The following SYNE2 variants were observed in gnomAD, a reference collection of about 807,000 sequenced individuals.
SYNE2 encodes the protein nesprin-2.
Under a neutral mutation model 856.3 loss-of-function variants are expected in SYNE2, and 431 were observed. The observed-to-expected ratio is 0.50, with a 90% CI of 0.47 to 0.55. The LOEUF is 0.55. Ranked by LOEUF, SYNE2 falls within the 20% of genes least tolerant of loss-of-function variation. The pLI is 0.00. For missense variants in SYNE2, 8,129 were observed against 8,023.2 expected (o/e 1.01, Z -0.50); for synonymous variants, 2,923 against 2,872.3 (o/e 1.02, Z -0.56).
intron 108 of SYNE2, among the ~76,000 whole-genome samples, chr14:64,217,849 G>A (rs931996856): frequency 4.6e-5 from 7 of 152,150 alleles, no homozygotes; most frequent in Non-Finnish European, 1.0e-4. Context: ...GGAGAGGCCC[G>A]AGATAACAGC....
chr14:64,009,345 G>A (rs900241481), intron 31 of SYNE2, among the ~76,000 whole-genome samples: 3 of 151,972 alleles, frequency 2.0e-5, no homozygotes, highest in Admixed American at 6.6e-5. Flanking sequence ...CGACCAGCCC[G>A]GCCAACATGA....
At chr14:64,147,433 T>C (rs1299784043) in intron 84 of SYNE2, among the ~76,000 whole-genome samples, 2 of 152,206 alleles carry the variant, frequency 1.3e-5, no homozygotes, top group Admixed American at 1.3e-4. Flanking sequence ...GAAGTTCACA[T>C]GTTTTAGAAT....
chr14:63,929,769 CA>C (rs34496182), intron 2 of SYNE2, among the ~76,000 whole-genome samples: 272 of 126,940 alleles, frequency 2.1e-3, no homozygotes, highest in Middle Eastern at 0.012. Flanking sequence ...GAAACTGTCT[CA>C]AAAAAAAAAA....
At chr14:63,773,916 A>T (rs577296440) in intron 1 of SYNE2, among the ~76,000 whole-genome samples, 1 of 152,360 alleles carries the variant, frequency 6.6e-6, no homozygotes, top group South Asian at 2.1e-4. Flanking sequence ...TATATTTAGC[A>T]ATCCTGACCT....
chr14:64,225,588 G>C lies in SYNE2; in HGVS notation c.*62G>C. 6.4e-7 allele frequency: 1 copy of C among 1,551,880 alleles called. No individual in the cohort carries two copies. Among genetic ancestry groups the C allele is most frequent in the Non-Finnish European group, 8.8e-7 (1 of 1,131,708 alleles). ...GATTGCCAAGGGTGCCCAGCACGTG[G>C]CCCCAGACCAATCTGAGTGACTTAG... On this transcript the variant is annotated 3_prime_UTR_variant, in exon 116 of 116. Coordinates refer to ENST00000555002, the MANE Select transcript of SYNE2 (RefSeq NM_182914.3).
intron 49 of SYNE2, among the ~76,000 whole-genome samples, chr14:64,057,214 T>C (rs2097278540): frequency 6.6e-6 from 1 of 152,066 alleles, no homozygotes; most frequent in South Asian, 2.1e-4. Flanking sequence ...CAATACTAGA[T>C]CTTATTCATT....
At position 63,771,305 on chromosome 14, in the gene SYNE2, C is replaced by T. The variant is rs960884939; in HGVS notation, c.-305+9319C>T. On this transcript the variant is annotated intron_variant, in intron 1 of 23. Coordinates refer to the SYNE2 transcript ENST00000674003. The stretch of plus-strand genomic sequence containing the variant: ...CAGGATGGTCTCGATCTCTTGACCT[C>T]GTGATCCGCCCGCCTCGGCCTCCCA... Among the ~76,000 whole-genome samples the T allele has an allele frequency of 1.2e-4, 18 of 151,800 alleles. No homozygotes were observed. In the East Asian group the frequency reaches 3.5e-3, roughly 30 times the overall value.
intron 89 of SYNE2, among the ~76,000 whole-genome samples, chr14:64,163,939 A>G (rs1462113562): frequency 6.6e-6 from 1 of 151,886 alleles, no homozygotes; most frequent in African/African-American, 2.4e-5. Flanking sequence ...TTTTATTTTG[A>G]GACAGACTCT....
At chr14:63,928,673 A>C (rs2095704171) in intron 2 of SYNE2, among the ~76,000 whole-genome samples, 1 of 151,498 alleles carries the variant, frequency 6.6e-6, no homozygotes, top group African/African-American at 2.4e-5. Flanking sequence ...TTGTTTCTTT[A>C]TTTATTTCTG....
chr14:63,978,151 T>A (rs1008061894), intron 13 of SYNE2, 134 bp downstream of exon 13: 3 of 712,832 alleles, frequency 4.2e-6, no homozygotes, highest in African/African-American at 3.5e-5. Context: ...GATAACAGTA[T>A]CTTCACGTTT....
intron 2 of SYNE2, among the ~76,000 whole-genome samples, chr14:63,930,002 G>C (rs1293356988): frequency 2.6e-5 from 4 of 152,056 alleles, no homozygotes; most frequent in Non-Finnish European, 5.9e-5. Context: ...CAATGAGATG[G>C]GGTCAGACAT....
chr14:64,209,259 G>A, intron 101 of SYNE2, 169 bp from the exon 102 acceptor site: 1 of 1,139,448 alleles, frequency 8.8e-7, no homozygotes, highest in Non-Finnish European at 1.3e-6. Flanking sequence ...TGAGCTGCTT[G>A]GCGCTCCCAG....
intron 19 of SYNE2, among the ~76,000 whole-genome samples, chr14:63,990,055 A>G (rs577556532): frequency 1.3e-5 from 2 of 152,228 alleles, no homozygotes; most frequent in Admixed American, 6.5e-5. Context: ...TCCAACAGCT[A>G]TTTTCCCCAG....
intron 52 of SYNE2, among the ~76,000 whole-genome samples, chr14:64,071,810 A>C (rs570595045): frequency 6.6e-6 from 1 of 152,216 alleles, no homozygotes; most frequent in South Asian, 2.1e-4. Flanking sequence ...TGAGGTCAGG[A>C]GTTCGAGACT....
In SYNE2 at chr14:64,090,945, A is replaced by G. The variant is rs749813861; in HGVS notation, c.11873A>G (p.Gln3958Arg). 53 of 1,614,040 alleles carry G rather than the reference A, an allele frequency of 3.3e-5. No individual in the cohort carries two copies. Among genetic ancestry groups the G allele is most frequent in the Non-Finnish European group, 4.2e-5 (49 of 1,180,016 alleles). Residue 3958 changes from glutamine (Q) to arginine (R), a missense_variant, in exon 60 of 116, where the codon CAA becomes CGA. Around this residue, in one of 3 missense-constraint regions of SYNE2, gnomAD observed 5,410 missense variants for 5,284.8 expected, o/e 1.02. Transcript: ENST00000555002. ...TACCAAGTGGAACTGAGGTTGCCCC[A>G]AACAGGAATGAAACCTCTGCCTGTG... ...VSYQVELRLP[Q>R]TGMKPLPVFQ... is the part of the protein sequence containing the mutation.
At chr14:64,027,456 A>C (rs1368694545) in intron 42 of SYNE2, 28 bp from the exon 43 acceptor site, 2 of 1,467,350 alleles carry the variant, frequency 1.4e-6, no homozygotes, top group Non-Finnish European at 1.9e-6. Flanking sequence ...AATATCATTT[A>C]ATTTATAAAA....
Position 64,062,825 on chromosome 14 carries a change from T to A in SYNE2, c.10142T>A (p.Val3381Asp). 6.2e-7 allele frequency: 1 copy of A among 1,614,136 alleles called. No homozygotes were observed. Among genetic ancestry groups the A allele is most frequent in the African/African-American group, 1.3e-5 (1 of 75,038 alleles). Reference protein sequence around the residue: ...IYTNLSKMETVLGQSMSSLPL... With the variant: ...IYTNLSKMETDLGQSMSSLPL... ...ACTAACCTCAGCAAAATGGAGACAGTTCTTGGACAGTCCATGTCCTCGTTG... is the reference window on the plus strand; with the variant it reads ...ACTAACCTCAGCAAAATGGAGACAGATCTTGGACAGTCCATGTCCTCGTTG... The change falls in exon 50 of 116, where the codon GTT (valine) becomes GAT (aspartate). Residue 3381 changes from valine to aspartate, a missense_variant. Transcript: ENST00000555002.
chr14:64,117,407 C>T (rs1028831835), intron 66 of SYNE2, among the ~76,000 whole-genome samples: 1 of 152,112 alleles, frequency 6.6e-6, no homozygotes, highest in African/African-American at 2.4e-5. Flanking sequence ...TCAGGCAATC[C>T]TCCTGCCCCA....
chr14:63,922,481 T>G (rs2095612150), intron 2 of SYNE2, among the ~76,000 whole-genome samples: 1 of 152,192 alleles, frequency 6.6e-6, no homozygotes, highest in South Asian at 2.1e-4. Context: ...GCAAGCCGTC[T>G]GAGCCCCTCC....
Sources: gnomAD v4.1 joint callset for allele counts (sites outside exome capture counted in the v4.1 genomes callset) on GRCh38, gnomAD v4.1.1 for gene constraint, gnomAD v4.1.1 regional missense constraint, MANE v1.5 for transcripts, NCBI Gene and HGNC (gene_info 2026-07-23, HGNC 2026-07-21) for gene names.